The following DNAH7 variants were observed in gnomAD, a reference collection of about 807,000 sequenced individuals.
DNAH7 encodes axonemal beta dynein heavy chain 7.
DNAH7 carries 397 observed loss-of-function variants against 444.6 expected under a neutral mutation model. The ratio of observed to expected loss-of-function variants is 0.89; its 90% CI spans 0.82 to 0.97. The LOEUF (loss-of-function observed/expected upper bound fraction) is 0.97. DNAH7 is among the 50% of genes least tolerant of loss of function. The probability of loss-of-function intolerance (pLI) is 0.00; values close to 1 mark genes in which losing one functional copy is unlikely to be tolerated. For missense variants in DNAH7, 4,902 were observed against 4,800.8 expected, an observed-to-expected ratio of 1.02 and a Z score of -0.62; for synonymous variants, 1,636 against 1,624.4, an observed-to-expected ratio of 1.01 and a Z score of -0.17.
At chr2:196,024,399 C>A in intron 8 of DNAH7, 30 bp downstream of exon 8, 1 of 1,468,784 alleles carries the variant, frequency 6.8e-7, no homozygotes, top group Non-Finnish European at 9.1e-7. Flanking sequence ...GTCACATAAT[C>A]AACATTCTTA....
intron 48 of DNAH7, among the ~76,000 whole-genome samples, chr2:195,826,948 A>C (rs1697791563): frequency 6.6e-6 from 1 of 152,194 alleles, no homozygotes; most frequent in Non-Finnish European, 1.5e-5. Flanking sequence ...TTAGAAAAAA[A>C]AAAGAAGAAA....
At chr2:195,890,822 T>G (rs894999262) in intron 31 of DNAH7, among the ~76,000 whole-genome samples, 4 of 152,208 alleles carry the variant, frequency 2.6e-5, no homozygotes, top group African/African-American at 9.6e-5. Context: ...TCATGAGTCA[T>G]GCTCTGCTAG....
intron 19 of DNAH7, among the ~76,000 whole-genome samples, chr2:195,940,896 A>T (rs967297547): frequency 6.6e-6 from 1 of 152,164 alleles, no homozygotes; most frequent in African/African-American, 2.4e-5. Flanking sequence ...AGATGTGGAG[A>T]AATAGGAACG....
At chr2:195,982,977 T>C (rs1692673849) in intron 15 of DNAH7, among the ~76,000 whole-genome samples, 1 of 152,178 alleles carries the variant, frequency 6.6e-6, no homozygotes, top group Non-Finnish European at 1.5e-5. Flanking sequence ...GCTAAAAGTA[T>C]GTAATTGGAT....
chr2:195,828,812 T>C (rs554722333), intron 48 of DNAH7, among the ~76,000 whole-genome samples: 2 of 152,112 alleles, frequency 1.3e-5, no homozygotes, highest in African/African-American at 4.8e-5. Context: ...GCTGGTGTGA[T>C]GTATCATTTT....
chr2:195,758,457 T>C (rs1285895496), intron 61 of DNAH7, among the ~76,000 whole-genome samples: 2 of 152,212 alleles, frequency 1.3e-5, no homozygotes, highest in Admixed American at 1.3e-4. Flanking sequence ...TTTAAATGTA[T>C]TGGCATAGGT....
chr2:195,968,925 CA>C (rs1234165348), intron 17 of DNAH7, among the ~76,000 whole-genome samples: 5 of 152,218 alleles, frequency 3.3e-5, no homozygotes, highest in Non-Finnish European at 2.9e-5. Flanking sequence ...GAGTTCAATG[CA>C]AAGTCCCCCA....
intron 56 of DNAH7, among the ~76,000 whole-genome samples, chr2:195,796,129 T>C (rs1266742262): frequency 1.1e-4 from 17 of 152,220 alleles, no homozygotes; most frequent in Admixed American, 1.1e-3. Context: ...ATTTCTCTAC[T>C]GTGGCAGGGT....
chr2:195,955,990 T>G (rs996064317), intron 19 of DNAH7, among the ~76,000 whole-genome samples: 7 of 152,166 alleles, frequency 4.6e-5, no homozygotes, highest in Admixed American at 2.0e-4. Context: ...TGTGATTAAT[T>G]TTACAGAAGT....
At position 195,861,716 on chromosome 2, in the gene DNAH7, C is replaced by T; in HGVS notation, c.7736+1G>A. ...TTAGAAATATGAAATTTGATTTTTA[C>T]CTTCTTTTCTTTTCTAACAACAGTT... On this transcript the variant is annotated splice_donor_variant, in intron 42 of 64. Coordinates refer to ENST00000312428, the MANE Select transcript of DNAH7 (RefSeq NM_018897.3). LOFTEE classifies it high-confidence loss of function. 1 of 1,599,498 alleles carries T rather than the reference C, an allele frequency of 6.3e-7. No individual in the cohort carries two copies. The highest frequency in any genetic ancestry group is 8.5e-7 in the Non-Finnish European group (1 of 1,170,544).
intron 17 of DNAH7, among the ~76,000 whole-genome samples, chr2:195,962,945 T>C (rs1691210137): frequency 2.0e-5 from 3 of 152,188 alleles, no homozygotes; most frequent in African/African-American, 7.2e-5. Flanking sequence ...AATGACAGAA[T>C]CGTCTTGTTT....
chr2:195,845,838 C>T (rs552615180), intron 46 of DNAH7, among the ~76,000 whole-genome samples: 14 of 152,106 alleles, frequency 9.2e-5, no homozygotes, highest in East Asian at 5.8e-4. Flanking sequence ...CCATTCGTTA[C>T]GCCATATACA....
chr2:195,924,878 T>C (rs1688234954), intron 22 of DNAH7, among the ~76,000 whole-genome samples: 1 of 152,130 alleles, frequency 6.6e-6, no homozygotes, highest in Admixed American at 6.6e-5. Context: ...AAAAATAAAA[T>C]TATAGTCAAC....
At chr2:195,873,454 C>T (rs1341762389) in intron 39 of DNAH7, 114 bp downstream of exon 39, 2 of 685,186 alleles carry the variant, frequency 2.9e-6, no homozygotes, top group African/African-American at 3.8e-5. Context: ...TGTCTGTTAA[C>T]TTTTCCTTAT....
At chr2:195,841,617 G>A (rs1698689053) in intron 47 of DNAH7, among the ~76,000 whole-genome samples, 1 of 151,840 alleles carries the variant, frequency 6.6e-6, no homozygotes, top group South Asian at 2.1e-4. Flanking sequence ...TACAAATTCT[G>A]AATTCAAAAC....
At chr2:195,982,406 T>C (rs1216060687) in intron 15 of DNAH7, among the ~76,000 whole-genome samples, 1 of 152,218 alleles carries the variant, frequency 6.6e-6, no homozygotes. Flanking sequence ...ACAACCACTA[T>C]GGAGAACAGT....
chr2:195,949,547 G>A (rs913827891), intron 19 of DNAH7, among the ~76,000 whole-genome samples: 1 of 152,126 alleles, frequency 6.6e-6, no homozygotes, highest in Non-Finnish European at 1.5e-5. Flanking sequence ...GCCTCCCAAA[G>A]CGCTGGGATT....
Position 195,834,331 on chromosome 2 carries a change from T to C in DNAH7, c.8975A>G (p.Asp2992Gly). The C allele has an allele frequency of 6.2e-7, 1 of 1,602,094 alleles. No homozygotes were observed. Among genetic ancestry groups the C allele is most frequent in the Non-Finnish European group, 8.5e-7 (1 of 1,170,862 alleles). ...CCATTTATTAGCCTGACTTTGAGGATCTATCATCAGAGGCCACCTTCTTGC... is the reference window on the plus strand; with the variant it reads ...CCATTTATTAGCCTGACTTTGAGGACCTATCATCAGAGGCCACCTTCTTGC... ...MNARRWPLMI[D>G]PQSQANKWIK... is the part of the protein sequence containing the mutation. Residue 2992 changes from aspartate (D) to glycine (G), a missense_variant, in exon 48 of 65, where the codon GAT becomes GGT. Physicochemically the swap from Asp to Gly is moderately conservative, Grantham distance 94. Transcript: ENST00000312428.
chr2:195,960,967 A>C, intron 17 of DNAH7, 22 bp from the exon 18 acceptor site: 1 of 1,466,554 alleles, frequency 6.8e-7, no homozygotes, highest in Non-Finnish European at 9.0e-7. Flanking sequence ...AGTATTGAAT[A>C]TATTAGTTAT....
Sources: gnomAD v4.1 joint callset for allele counts (sites outside exome capture counted in the v4.1 genomes callset) on GRCh38, gnomAD v4.1.1 for gene constraint, MANE v1.5 for transcripts, NCBI Gene and HGNC (gene_info 2026-07-23, HGNC 2026-07-21) for gene names.